The following ZNF319 variants were observed in gnomAD, a reference collection of about 807,000 sequenced individuals.
ZNF319 encodes the protein zinc finger protein 319.
In ZNF319, 15 loss-of-function variants were observed where a neutral mutation model predicts 46.0. That is an observed-to-expected ratio of 0.33 (90% CI 0.22 to 0.50). The LOEUF is 0.50. Among genes scored for constraint, ZNF319 ranks in the 20% least tolerant of loss-of-function variants. The pLI, the probability that ZNF319 is intolerant of heterozygous loss-of-function variation, is 0.98. For synonymous variants in ZNF319, 368 were observed against 364.0 expected (o/e 1.01, Z -0.13); for missense variants, 635 against 807.0 (o/e 0.79, Z 2.58).
Position 57,999,507 on chromosome 16 carries a change from A to G in ZNF319, c.-272T>C, listed in dbSNP as rs1174357862. 6.6e-6 allele frequency: 1 copy of G among 152,230 alleles called. No individual in the cohort carries two copies. The highest frequency in any genetic ancestry group is 1.5e-5 in the Non-Finnish European group (1 of 68,056). 9.4% of individuals were successfully genotyped at this position (152,230 alleles called of 1,614,324 possible). On this transcript the variant is annotated 5_prime_UTR_variant, in exon 1 of 2. The change abolishes an upstream ATG in the 5' untranslated region. Transcript: ENST00000299237. ...CTCTAACTCACCACTTTGTGGCAGCATGAGGTAATGCCAGCGAGAGGGAGG... is the reference window on the plus strand; with the variant it reads ...CTCTAACTCACCACTTTGTGGCAGCGTGAGGTAATGCCAGCGAGAGGGAGG...
intron 1 of ZNF319, among the ~76,000 whole-genome samples, chr16:57,999,274 A>AC (rs1224745413): frequency 1.0e-4 from 8 of 78,458 alleles, no homozygotes; most frequent in African/African-American, 4.9e-4. Context: ...CACACACACA[A>AC]AGTCCTAAAT....
rs1381375218 is a variant in ZNF319 at position 57,997,073 on chromosome 16, A to C, written c.1193T>G (p.Leu398Arg). The change falls in exon 2 of 2, where the codon CTC becomes CGC. Residue 398 changes from leucine (L) to arginine (R), a missense_variant. By Grantham distance (102) the Leu-to-Arg change is moderately radical (BLOSUM62 -2). This residue lies in a region of ZNF319 where 270 missense variants were observed against 281.4 expected (regional missense o/e 0.96). Coordinates refer to ENST00000299237, the MANE Select transcript of ZNF319 (RefSeq NM_020807.3). ...YHQHVHTLET[L>R]FKCPVCQKGF... Reference sequence around the variant, plus strand: ...TTTCTGGCACACGGGGCACTTGAAGAGAGTCTCGAGGGTGTGCACGTGCTG... The same window carrying C: ...TTTCTGGCACACGGGGCACTTGAAGCGAGTCTCGAGGGTGTGCACGTGCTG... The C allele has an allele frequency of 9.3e-6, 15 of 1,613,538 alleles. No homozygotes were observed. The East Asian group carries it at 3.3e-4, about 36-fold the overall frequency.
At position 57,998,467 on chromosome 16, in the gene ZNF319, T is replaced by G; in HGVS notation, c.-202A>C. 1.4e-6 allele frequency: 1 copy of G among 730,814 alleles called. No individual in the cohort carries two copies. The allele number at this position is 730,814 out of a possible 1,614,324, so 45.3% of individuals were successfully genotyped here. On this transcript the variant is annotated 5_prime_UTR_variant, in exon 2 of 2. Coordinates refer to ENST00000299237, the MANE Select transcript of ZNF319 (RefSeq NM_020807.3). The stretch of plus-strand genomic sequence containing the variant: ...CTCTGCCTACAGGACATGGGGGCTC[T>G]TCAAGGGAGGGTCCCAGCAGTGCCG...
At position 57,995,462 on chromosome 16, in the gene ZNF319, T is replaced by G. The variant is rs994213835; in HGVS notation, c.*1055A>C. 6.5e-6 allele frequency: 1 copy of G among 152,732 alleles called. No homozygotes were observed. Among genetic ancestry groups the G allele is most frequent in the South Asian group, 2.1e-4 (1 of 4,838 alleles). The allele number at this position is 152,732 out of a possible 1,614,324, so 9.5% of individuals were successfully genotyped here. A position where few individuals can be genotyped will look rare whatever the true frequency, so the allele number is the denominator to read the frequency against. ...GGGTCCAGGCCAGCAGCCACATTGA[T>G]GTAGGGAGGGTACTGGGGGGGTCCC... is the stretch of plus-strand genomic sequence containing the variant. On this transcript the variant is annotated 3_prime_UTR_variant, in exon 2 of 2. Transcript: ENST00000299237.
chr16:57,998,705 C>T (rs529788457), intron 1 of ZNF319, among the ~76,000 whole-genome samples, 183 bp from the exon 2 acceptor site: 1 of 152,290 alleles, frequency 6.6e-6, no homozygotes, highest in South Asian at 2.1e-4. Context: ...GCCAGCTCAG[C>T]TCCTCCAGGC....
Position 57,998,488 on chromosome 16 carries a change from T to C in ZNF319, c.-223A>G, listed in dbSNP as rs900225869. The C allele has an allele frequency of 5.3e-6, 3 of 567,008 alleles. No individual in the cohort carries two copies. The highest frequency in any genetic ancestry group is 1.9e-5 in the African/African-American group (1 of 53,488). The allele number at this position is 567,008 out of a possible 1,614,324, so 35.1% of individuals were successfully genotyped here. ...GCTCTTCAAGGGAGGGTCCCAGCAG[T>C]GCCGGGGAGACTCTGCCTTCCCCAG... On this transcript the variant is annotated 5_prime_UTR_variant, in exon 2 of 2. Transcript: ENST00000299237.
chr16:57,999,873 T>C lies in ZNF319; in HGVS notation c.-638A>G, dbSNP rs1963120769. The C allele has an allele frequency of 6.5e-6, 1 of 152,682 alleles. No homozygotes were observed. The highest frequency in any genetic ancestry group is 6.5e-5 in the Admixed American group (1 of 15,296). 9.5% of individuals were successfully genotyped at this position (152,682 alleles called of 1,614,324 possible). A position where few individuals can be genotyped will look rare whatever the true frequency, so the allele number is the denominator to read the frequency against. On this transcript the variant is annotated 5_prime_UTR_variant, in exon 1 of 2. Coordinates refer to ENST00000299237, the MANE Select transcript of ZNF319 (RefSeq NM_020807.3). ...GGTCCGCTGTGCCAACCCACTGTTT[T>C]GTTTGCTTTTTCTGGCATGAATGGC...
rs149758697 is a variant in ZNF319 at position 57,996,752 on chromosome 16, C to A, written c.1514G>T (p.Arg505Leu). 6.3e-4 allele frequency: 1,014 copies of A among 1,611,476 alleles called. No individual in the cohort carries two copies. The highest frequency in any genetic ancestry group is 8.0e-4 in the Non-Finnish European group (940 of 1,178,736). ...FKYASDLQRH[R>L]RVHTGEKPYK... ...GGGCTTCTCGCCTGTGTGTACCCGC[C>A]GGTGCCGCTGCAGGTCTGACGCGTA... Residue 505 changes from arginine (R) to leucine (L), a missense_variant, in exon 2 of 2, where the codon CGG becomes CTG. Coordinates refer to ENST00000299237, the MANE Select transcript of ZNF319 (RefSeq NM_020807.3).
Position 57,994,802 on chromosome 16 carries a change from A to C in ZNF319, c.*1715T>G, listed in dbSNP as rs539980268. The C allele has an allele frequency of 9.2e-5, 14 of 152,390 alleles. No individual in the cohort carries two copies. The highest frequency in any genetic ancestry group is 3.1e-4 in the African/African-American group (13 of 41,590). 9.4% of individuals were successfully genotyped at this position (152,390 alleles called of 1,614,324 possible). On this transcript the variant is annotated 3_prime_UTR_variant, in exon 2 of 2. Coordinates refer to ENST00000299237, the MANE Select transcript of ZNF319 (RefSeq NM_020807.3). ...CCAAATCCTCACATTTTTATATAAG[A>C]TCCAAAATGACATGAAATTAAACTC... is the stretch of plus-strand genomic sequence containing the variant.
In ZNF319 at chr16:57,998,036, T is replaced by C. The variant is rs763029478; in HGVS notation, c.230A>G (p.Lys77Arg). Residue 77 changes from lysine to arginine, a missense_variant, in exon 2 of 2, where the codon AAA becomes AGA. Coordinates refer to ENST00000299237, the MANE Select transcript of ZNF319 (RefSeq NM_020807.3). ...CAGGTCGTGACCACACACGCCACAT[T>C]TGGGGCCTGGCTCTCCTGCTGCCTG... ...PLQAAGEPGP[K>R]CGVCGHDLAH... 14 of 1,611,206 alleles carry C rather than the reference T, an allele frequency of 8.7e-6. No homozygotes were observed. The highest frequency in any genetic ancestry group is 1.2e-5 in the Non-Finnish European group (14 of 1,180,000).
Position 57,996,887 on chromosome 16 carries a change from C to T in ZNF319, c.1379G>A (p.Cys460Tyr). Residue 460 changes from cysteine to tyrosine, a missense_variant, in exon 2 of 2, where the codon TGC (cysteine) becomes TAC (tyrosine). Cys to Tyr is a radical substitution (Grantham distance 194). Around this residue, in one of 3 missense-constraint regions of ZNF319, gnomAD observed 270 missense variants for 281.4 expected, o/e 0.96. Coordinates refer to ENST00000299237, the MANE Select transcript of ZNF319 (RefSeq NM_020807.3). Reference sequence around the variant, plus strand: ...GAAGAAGCGGCGTTCGCAAAGCGTGCAGCGCAGGGGCTTCTCTGCCGCCGC... The same window carrying T: ...GAAGAAGCGGCGTTCGCAAAGCGTGTAGCGCAGGGGCTTCTCTGCCGCCGC... ...HCAAAEKPLR[C>Y]TLCERRFFSS... 1 of 1,602,502 alleles carries T rather than the reference C, an allele frequency of 6.2e-7. No homozygotes were observed. Among genetic ancestry groups the T allele is most frequent in the Non-Finnish European group, 8.5e-7 (1 of 1,178,988 alleles).
chr16:57,997,003 G>A lies in ZNF319; in HGVS notation c.1263C>T (p.Pro421=), dbSNP rs150126886. 2.1e-5 allele frequency: 34 copies of A among 1,600,680 alleles called. No homozygotes were observed. The highest frequency in any genetic ancestry group is 1.8e-4 in the African/African-American group (13 of 73,258). Residue 421 remains proline (P), a synonymous_variant, in exon 2 of 2, where the codon CCC becomes CCT. Coordinates refer to ENST00000299237, the MANE Select transcript of ZNF319 (RefSeq NM_020807.3). ...ACTTGAAGGGCCGCTCGGCCGCGCC[G>A]GGCAGGCACTTGTGCCGCAGCAGCT... ...SAELLRHKCL[P]GAAERPFKCP...
At position 57,996,664 on chromosome 16, in the gene ZNF319, G is replaced by T; in HGVS notation, c.1602C>A (p.Gly534=). Residue 534 remains glycine (G), a synonymous_variant, in exon 2 of 2, where the codon GGC becomes GGA. Transcript: ENST00000299237. The part of the protein sequence containing the change: ...KQREHLNKHQ[G]VHAREQQFKC... ...TGAACTGCTGCTCGCGGGCGTGCAC[G>T]CCCTGGTGCTTGTTGAGATGCTCCC... The T allele has an allele frequency of 6.2e-7, 1 of 1,613,026 alleles. No homozygotes were observed. Among genetic ancestry groups the T allele is most frequent in the South Asian group, 1.1e-5 (1 of 91,092 alleles).
Position 57,998,160 on chromosome 16 carries a change from G to A in ZNF319, c.106C>T (p.Leu36=). The A allele has an allele frequency of 6.4e-7, 1 of 1,574,180 alleles. No homozygotes were observed. The highest frequency in any genetic ancestry group is 8.7e-7 in the Non-Finnish European group (1 of 1,155,670). ...GGGTTCTCCGCCGTGCCCGGAGGCA[G>A]CGTGTGCTCTGCCAGGGCTGGCGGT... ...EPPPALAEHT[L]PPGTAENPLG... is the part of the protein sequence containing the mutation. The change falls in exon 2 of 2, where the codon CTG becomes TTG. Residue 36 remains leucine, a synonymous_variant. Coordinates refer to ENST00000299237, the MANE Select transcript of ZNF319 (RefSeq NM_020807.3).
Position 58,000,248 on chromosome 16 carries a change from G to C in ZNF319, c.-1013C>G, listed in dbSNP as rs1255052825. ...TACAGGCCGGGCCCAGGAAGCGGCT[G>C]CGCCTCGAGGCCCGGCCTGGGCCGC... On this transcript the variant is annotated 5_prime_UTR_variant, in exon 1 of 2. Coordinates refer to ENST00000299237, the MANE Select transcript of ZNF319 (RefSeq NM_020807.3). The surrounding 1 kb of genome is among the most constrained non-coding windows in gnomAD (Gnocchi z 4.5). Among the ~76,000 whole-genome samples, 2 of 152,058 alleles carry C rather than the reference G, an allele frequency of 1.3e-5. No homozygotes were observed. The highest frequency in any genetic ancestry group is 2.9e-5 in the Non-Finnish European group (2 of 67,984).
chr16:57,998,086 C>A lies in ZNF319; in HGVS notation c.180G>T (p.Leu60=). ...GCAGGGGTGCGTGTTGTGGGGGCTGCAGGCCGGGGTCTGGCTGCAGGAGGA... is the reference window on the plus strand; with the variant it reads ...GCAGGGGTGCGTGTTGTGGGGGCTGAAGGCCGGGGTCTGGCTGCAGGAGGA... The part of the protein sequence containing the change: ...YGILLQPDPG[L]QPPQHAPLQA... The change falls in exon 2 of 2, where the codon CTG becomes CTT. Residue 60 remains leucine (L), a synonymous_variant. Transcript: ENST00000299237. 1 of 1,608,214 alleles carries A rather than the reference C, an allele frequency of 6.2e-7. No homozygotes were observed. Among genetic ancestry groups the A allele is most frequent in the Non-Finnish European group, 8.5e-7 (1 of 1,178,766 alleles).
rs1009915195 is a variant in ZNF319, at chr16:58,000,554, G to T, written c.-1319C>A. 1 of 150,246 alleles carries T rather than the reference G, an allele frequency of 6.7e-6. No homozygotes were observed. The allele number at this position is 150,246 out of a possible 1,614,324, so 9.3% of individuals were successfully genotyped here. ...AGCGGCTGCGGCCGGACCGGGGGCG[G>T]GGGACGGGCTAGCGGCGGCCGGAAC... is the stretch of plus-strand genomic sequence containing the variant. On this transcript the variant is annotated 5_prime_UTR_variant, in exon 1 of 2. Transcript: ENST00000299237. The surrounding 1 kb of genome is among the most constrained non-coding windows in gnomAD (Gnocchi z 4.5).
chr16:57,998,235 T>A lies in ZNF319; in HGVS notation c.31A>T (p.Thr11Ser), dbSNP rs1245910229. Residue 11 changes from threonine (T) to serine (S), a missense_variant, in exon 2 of 2, where the codon ACG becomes TCG. Transcript: ENST00000299237. Reference sequence around the variant, plus strand: ...GGTGGCTGTGGCTGCTGCGGCTGCGTCTGTGGCGGCTGTTGCCAGCTTTCC... The same window carrying A: ...GGTGGCTGTGGCTGCTGCGGCTGCGACTGTGGCGGCTGTTGCCAGCTTTCC... The part of the protein sequence containing the change: MSESWQQPPQ[T>S]QPQQPQPPQP... 1 of 1,528,380 alleles carries A rather than the reference T, an allele frequency of 6.5e-7. No homozygotes were observed. Among genetic ancestry groups the A allele is most frequent in the East Asian group, 2.3e-5 (1 of 44,072 alleles). The allele number at this position is 1,528,380 out of a possible 1,614,324, so 94.7% of individuals were successfully genotyped here.
At chr16:57,999,137 C>T (rs559249343) in intron 1 of ZNF319, among the ~76,000 whole-genome samples, 1 of 152,134 alleles carries the variant, frequency 6.6e-6, no homozygotes, top group South Asian at 2.1e-4. Flanking sequence ...CCTACAGGAA[C>T]CAGAGCCCAT....
Sources: allele counts gnomAD v4.1 joint callset (sites outside exome capture counted in the v4.1 genomes callset), GRCh38; gene constraint gnomAD v4.1.1; regional missense constraint gnomAD v4.1.1; non-coding constraint Gnocchi (gnomAD v3.1); transcripts MANE v1.5; gene names NCBI Gene and HGNC (gene_info 2026-07-23, HGNC 2026-07-21).